CNOT2: variants seen among roughly 807,000 people sequenced by gnomAD.
The protein encoded by CNOT2 is CCR4-NOT transcription complex subunit 2.
In CNOT2, 7 loss-of-function variants were observed where a neutral mutation model predicts 72.1. The ratio of observed to expected loss-of-function variants is 0.10; its 90% CI spans 0.06 to 0.18. The LOEUF (loss-of-function observed/expected upper bound fraction) is 0.18. CNOT2 is among the 10% of genes least tolerant of loss of function. The pLI, the probability that CNOT2 is intolerant of heterozygous loss-of-function variation, is 1.00. For synonymous variants in CNOT2, 196 were observed against 225.6 expected, an observed-to-expected ratio of 0.87 and a Z score of 1.17; for missense variants, 345 against 660.3, an observed-to-expected ratio of 0.52 and a Z score of 5.23.
At chr12:70,286,433 C>T (rs1464190118) in intron 2 of CNOT2, among the ~76,000 whole-genome samples, 6 of 149,718 alleles carry the variant, frequency 4.0e-5, no homozygotes, top group African/African-American at 1.5e-4. Flanking sequence ...GATTTTTGTA[C>T]ATGGTGTTAG....
At chr12:70,287,596 GT>G (rs1871127645) in intron 2 of CNOT2, among the ~76,000 whole-genome samples, 1 of 149,650 alleles carries the variant, frequency 6.7e-6, no homozygotes, top group Non-Finnish European at 1.5e-5. Flanking sequence ...GTATTGCTTT[GT>G]TTCTCTCCAT....
At chr12:70,317,418 C>T (rs899541086) in intron 3 of CNOT2, among the ~76,000 whole-genome samples, 6 of 151,678 alleles carry the variant, frequency 4.0e-5, no homozygotes, top group Non-Finnish European at 7.4e-5. Flanking sequence ...TTTAATATAC[C>T]TACAAAATAT....
intron 1 of CNOT2, among the ~76,000 whole-genome samples, chr12:70,265,321 TTCTCTTTC>T (rs1226121445): frequency 6.8e-5 from 10 of 146,688 alleles, no homozygotes; most frequent in African/African-American, 2.5e-4. Context: ...TTCTCTTCTC[TTCTCTTTC>T]TTTCTTTTTT....
At chr12:70,320,768 G>A (rs1319485098) in intron 4 of CNOT2, among the ~76,000 whole-genome samples, 1 of 151,722 alleles carries the variant, frequency 6.6e-6, no homozygotes. Flanking sequence ...ACAGCAGAAA[G>A]TAGATATGGA....
Position 70,354,687 on chromosome 12 carries a change from A to G in CNOT2, c.*772A>G, listed in dbSNP as rs988479392. The G allele has an allele frequency of 1.3e-5, 2 of 152,578 alleles. No homozygotes were observed. Among genetic ancestry groups the G allele is most frequent in the African/African-American group, 4.8e-5 (2 of 41,426 alleles). The allele number at this position is 152,578 out of a possible 1,614,324, so 9.5% of individuals were successfully genotyped here. On this transcript the variant is annotated 3_prime_UTR_variant, in exon 16 of 16. Coordinates refer to ENST00000229195, the MANE Select transcript of CNOT2 (RefSeq NM_014515.7). ...TATATATATGACATCTATTTTGGAAAATGTTTGCCCTGCTGTACCTCATTT... is the reference window on the plus strand; with the variant it reads ...TATATATATGACATCTATTTTGGAAGATGTTTGCCCTGCTGTACCTCATTT...
intron 1 of CNOT2, among the ~76,000 whole-genome samples, chr12:70,254,308 CCT>C (rs1958310852): frequency 6.6e-6 from 1 of 151,514 alleles, no homozygotes; most frequent in East Asian, 1.9e-4. Context: ...TCTCAAAACA[CCT>C]CTTGTACTGT....
At chr12:70,324,570 A>C (rs569532807) in intron 4 of CNOT2, among the ~76,000 whole-genome samples, 1 of 151,878 alleles carries the variant, frequency 6.6e-6, no homozygotes, top group South Asian at 2.1e-4. Context: ...TAGAGCAGAA[A>C]TTTAGGTTGA....
chr12:70,285,810 G>A (rs10784836), intron 2 of CNOT2, among the ~76,000 whole-genome samples: 106,782 of 151,864 alleles, frequency 0.7, 37,864 homozygotes, highest in East Asian at 0.94. Context: ...TGAGAGTGGA[G>A]GCACCCAATG....
At position 70,246,141 on chromosome 12, in the gene CNOT2, A is replaced by G. The variant is rs901345834; in HGVS notation, c.-96+2661A>G. ...ATATATGAAATAATGAGTAAGCATT[A>G]ATAGACCAATGAAAAGAACTTAGCT... On this transcript the variant is annotated intron_variant, in intron 1 of 15. Transcript: ENST00000229195. Among the ~76,000 whole-genome samples the G allele has an allele frequency of 2.0e-4, 31 of 152,348 alleles. 3 individuals carry two copies. The highest frequency in any genetic ancestry group is 6.8e-3 in the Middle Eastern group (2 of 294).
chr12:70,260,816 T>C (rs968084884), intron 1 of CNOT2, among the ~76,000 whole-genome samples: 3 of 151,954 alleles, frequency 2.0e-5, no homozygotes, highest in African/African-American at 7.2e-5. Context: ...CAATTAGAGG[T>C]AGTTTCACTT....
At chr12:70,304,415 C>G (rs529364942) in intron 2 of CNOT2, among the ~76,000 whole-genome samples, 1 of 152,206 alleles carries the variant, frequency 6.6e-6, no homozygotes, top group East Asian at 1.9e-4. Flanking sequence ...AGTTTTCCTT[C>G]TAACAGCCAG....
At chr12:70,337,298 G>A (rs74101497) in intron 8 of CNOT2, 91 bp from the exon 9 acceptor site, 1 of 1,037,742 alleles carries the variant, frequency 9.6e-7, no homozygotes, top group African/African-American at 1.6e-5. Context: ...AAACCTTTTG[G>A]TGTATTATCA....
chr12:70,324,837 A>G (rs1258128580), intron 4 of CNOT2, among the ~76,000 whole-genome samples: 1 of 151,808 alleles, frequency 6.6e-6, no homozygotes, highest in Non-Finnish European at 1.5e-5. Context: ...TCATTCTCTC[A>G]GACTGAACTA....
At chr12:70,310,863 T>C (rs372247691) in intron 2 of CNOT2, 32 bp from the exon 3 acceptor site, 29 of 1,602,262 alleles carry the variant, frequency 1.8e-5, no homozygotes, top group Non-Finnish European at 2.2e-5. Flanking sequence ...TTCCAAAGTA[T>C]TACCCCTGAT....
chr12:70,344,071 AT>A (rs760450424), intron 13 of CNOT2, 56 bp from the exon 14 acceptor site: 3 of 1,174,836 alleles, frequency 2.6e-6, no homozygotes, highest in Non-Finnish European at 3.7e-6. Context: ...TAGCAACTAT[AT>A]ATTAGGATTT....
intron 1 of CNOT2, among the ~76,000 whole-genome samples, chr12:70,274,353 T>C (rs2135789456): frequency 6.6e-6 from 1 of 152,232 alleles, no homozygotes; most frequent in East Asian, 1.9e-4. Flanking sequence ...GCATGTTTTA[T>C]TGAGCTCCAG....
intron 4 of CNOT2, chr12:70,322,922 CAT>C (rs981340275): frequency 2.0e-4 from 30 of 151,760 alleles, no homozygotes; most frequent in African/African-American, 6.5e-4. Context: ...CTTTTGAACA[CAT>C]GTTTTATAGT....
At chr12:70,348,073 A>C (rs1429363439) in intron 15 of CNOT2, 1 of 152,154 alleles carries the variant, frequency 6.6e-6, no homozygotes, top group Non-Finnish European at 1.5e-5. Flanking sequence ...GTTTTTATGA[A>C]GATTAAATGA....
At chr12:70,270,408 CAT>C (rs987612203) in intron 1 of CNOT2, among the ~76,000 whole-genome samples, 8 of 152,046 alleles carry the variant, frequency 5.3e-5, no homozygotes, top group Non-Finnish European at 8.8e-5. Context: ...TGAAACAACA[CAT>C]ATTGAGGTTA....
Sources: allele counts gnomAD v4.1 joint callset (sites outside exome capture counted in the v4.1 genomes callset), GRCh38; gene constraint gnomAD v4.1.1; transcripts MANE v1.5; gene names NCBI Gene and HGNC (gene_info 2026-07-23, HGNC 2026-07-21).